MAP4: variants seen among roughly 807,000 people sequenced by gnomAD.
MAP4 encodes microtubule-associated protein 4.
In MAP4, 76 loss-of-function variants were observed where a neutral mutation model predicts 170.2. That is an observed-to-expected ratio of 0.45 (90% confidence interval 0.37 to 0.54). The LOEUF is 0.54. Ranked by LOEUF, MAP4 falls within the 20% of genes least tolerant of loss-of-function variation. MAP4 has a pLI of 0.00. For synonymous variants in MAP4, 909 were observed against 994.5 expected, an observed-to-expected ratio of 0.91 and a Z score of 1.62; for missense variants, 2,506 against 2,748.0, an observed-to-expected ratio of 0.91 and a Z score of 1.97.
chr3:47,878,671 T>C (rs1478243937), intron 10 of MAP4, among the ~76,000 whole-genome samples: 8 of 152,080 alleles, frequency 5.3e-5, no homozygotes, highest in Non-Finnish European at 5.9e-5. Flanking sequence ...CCCAAGTAGC[T>C]AGATTACAAG....
intron 2 of MAP4, among the ~76,000 whole-genome samples, chr3:47,978,704 CAGCT>C (rs1262461084): frequency 5.3e-5 from 8 of 151,244 alleles, no homozygotes; most frequent in Non-Finnish European, 1.0e-4. Flanking sequence ...TGGAGGTAAC[CAGCT>C]GTATTTCTGG....
chr3:47,981,669 G>A (rs1329290244), intron 2 of MAP4, among the ~76,000 whole-genome samples: 2 of 151,522 alleles, frequency 1.3e-5, no homozygotes, highest in African/African-American at 2.4e-5. Flanking sequence ...AGAGGCTGAA[G>A]CACAAGAATA....
At chr3:47,915,010 A>C (rs2100037973) in intron 7 of MAP4, 71 bp from the exon 8 acceptor site, 1 of 1,592,268 alleles carries the variant, frequency 6.3e-7, no homozygotes, top group Non-Finnish European at 8.6e-7. Flanking sequence ...TCTGCCAGAA[A>C]TTGGATATGG....
chr3:47,863,829 G>T (rs2073404554), intron 17 of MAP4, among the ~76,000 whole-genome samples: 1 of 151,708 alleles, frequency 6.6e-6, no homozygotes, highest in South Asian at 2.1e-4. Context: ...CTGTCTGTCG[G>T]GGGCATTTTT....
intron 10 of MAP4, among the ~76,000 whole-genome samples, chr3:47,882,932 G>A (rs1409829986): frequency 1.3e-5 from 2 of 151,652 alleles, no homozygotes; most frequent in Admixed American, 6.6e-5. Context: ...TCAGCCAACC[G>A]AGCAGCTGGG....
At position 48,031,892 on chromosome 3, in the gene MAP4, T is replaced by TAC. The variant is rs139294227; in HGVS notation, c.-19-33015_-19-33014dup. 4.0e-3 allele frequency among the ~76,000 whole-genome samples: 593 copies of TAC among 147,510 alleles called. 3 individuals are homozygous for TAC. Among genetic ancestry groups the TAC allele is most frequent in the Middle Eastern group, 0.014 (4 of 286 alleles). ...CAAAACACACACATACACACACACA[T>TAC]ACACACACACACACACACAGACATA... is the stretch of plus-strand genomic sequence containing the variant. On this transcript the variant is annotated intron_variant, in intron 1 of 18. Transcript: ENST00000360240.
intron 17 of MAP4, among the ~76,000 whole-genome samples, chr3:47,859,794 T>C (rs2062712559): frequency 6.6e-6 from 1 of 152,250 alleles, no homozygotes; most frequent in Admixed American, 6.5e-5. Context: ...TTTTTTCTTT[T>C]CTCCTCAATC....
chr3:47,995,455 T>C (rs2100094958), intron 2 of MAP4, among the ~76,000 whole-genome samples: 1 of 152,142 alleles, frequency 6.6e-6, no homozygotes, highest in Non-Finnish European at 1.5e-5. Context: ...TTCACCATGT[T>C]GGCCAGGCTG....
chr3:47,920,331 TC>T (rs2100042102), intron 5 of MAP4, among the ~76,000 whole-genome samples: 1 of 152,172 alleles, frequency 6.6e-6, no homozygotes. Flanking sequence ...GGTCTCAAAC[TC>T]CTGACCTCAG....
At position 47,893,026 on chromosome 3, in the gene MAP4, TA is replaced by T. The variant is rs35541072; in HGVS notation, c.5434+9923del. ...TCCAGGAAATTGTTCAAAATTGGACTAAAAAAAAAAAAAAAAAACCACACCT... is the reference window on the plus strand; with the variant it reads ...TCCAGGAAATTGTTCAAAATTGGACTAAAAAAAAAAAAAAAAACCACACCT... On this transcript the variant is annotated intron_variant, in intron 10 of 20. Coordinates refer to ENST00000683076, the MANE Select transcript of MAP4 (RefSeq NM_001385682.1). 7.6e-3 allele frequency among the ~76,000 whole-genome samples: 899 copies of T among 118,130 alleles called. 3 individuals are homozygous for T. The highest frequency in any genetic ancestry group is 0.017 in the African/African-American group (550 of 32,354). The allele number at this position is 118,130 out of a possible 152,430, so 77.5% of individuals were successfully genotyped here. A position where few individuals can be genotyped will look rare whatever the true frequency, so the allele number is the denominator to read the frequency against.
At chr3:47,987,998 T>C (rs896218151) in intron 2 of MAP4, among the ~76,000 whole-genome samples, 8 of 151,974 alleles carry the variant, frequency 5.3e-5, no homozygotes, top group African/African-American at 1.9e-4. Flanking sequence ...ATTGAGACCA[T>C]CCTGGCTAAC....
At chr3:47,887,578 C>T (rs1381724238) in intron 10 of MAP4, among the ~76,000 whole-genome samples, 2 of 152,260 alleles carry the variant, frequency 1.3e-5, no homozygotes, top group Non-Finnish European at 2.9e-5. Context: ...CACCCAAAGG[C>T]TGAGGAATGC....
At position 47,948,934 on chromosome 3, in the gene MAP4, A is replaced by C. The variant is rs2100061885; in HGVS notation, c.293-20584T>G. On this transcript the variant is annotated intron_variant, in intron 3 of 20. Coordinates refer to ENST00000683076, the MANE Select transcript of MAP4 (RefSeq NM_001385682.1). Reference sequence around the variant, plus strand: ...CTGCGCCCGGCCGATCAATTTTCTTAAACCAAATCAAATAAGGTGTCCTTT... The same window carrying C: ...CTGCGCCCGGCCGATCAATTTTCTTCAACCAAATCAAATAAGGTGTCCTTT... Among the ~76,000 whole-genome samples, 8 of 152,198 alleles carry C rather than the reference A, an allele frequency of 5.3e-5. No homozygotes were observed. In the South Asian group the frequency reaches 1.7e-3, roughly 32 times the overall value.
intron 10 of MAP4, among the ~76,000 whole-genome samples, chr3:47,881,494 AT>A (rs1380662536): frequency 1.0e-5 from 1 of 95,844 alleles, no homozygotes; most frequent in African/African-American, 4.1e-5. Context: ...ATATATATAT[AT>A]ATGCATAATC....
chr3:47,895,356 T>C (rs887816449), intron 10 of MAP4, among the ~76,000 whole-genome samples: 2 of 152,226 alleles, frequency 1.3e-5, no homozygotes, highest in African/African-American at 4.8e-5. Flanking sequence ...GATTCAGTTT[T>C]ACCACTTTCA....
chr3:47,956,413 T>C (rs373004458), intron 3 of MAP4, among the ~76,000 whole-genome samples: 1 of 152,156 alleles, frequency 6.6e-6, no homozygotes, highest in South Asian at 2.1e-4. Flanking sequence ...TACAGCCCCA[T>C]TTAAAGAGGT....
intron 5 of MAP4, among the ~76,000 whole-genome samples, chr3:47,920,857 T>C (rs769318326): frequency 6.6e-6 from 1 of 152,136 alleles, no homozygotes; most frequent in Non-Finnish European, 1.5e-5. Flanking sequence ...TGCCTGTAAA[T>C]GAAGAAGTAG....
chr3:47,869,095 G>T, intron 16 of MAP4, 119 bp downstream of exon 16: 1 of 768,588 alleles, frequency 1.3e-6, no homozygotes, highest in Non-Finnish European at 2.2e-6. Context: ...GAATATAGGG[G>T]AGAAGAAGTA....
At chr3:47,917,218 T>C (rs767176463) in intron 6 of MAP4, 44 bp from the exon 7 acceptor site, 8 of 1,520,588 alleles carry the variant, frequency 5.3e-6, no homozygotes, top group Non-Finnish European at 7.2e-6. Flanking sequence ...CTCATACCTT[T>C]GCATTAAAAA....
Sources: allele counts gnomAD v4.1 joint callset (sites outside exome capture counted in the v4.1 genomes callset), GRCh38; gene constraint gnomAD v4.1.1; transcripts MANE v1.5; gene names NCBI Gene and HGNC (gene_info 2026-07-23, HGNC 2026-07-21).